The following RIMKLB variants were observed in gnomAD, a reference collection of about 807,000 sequenced individuals.
RIMKLB encodes the protein ribosomal modification protein rimK like family member B, also known as beta-citrylglutamate synthase B.
A neutral mutation model predicts 32.0 loss-of-function variants in RIMKLB; 7 were observed. That is an observed-to-expected ratio of 0.22 (90% confidence interval 0.12 to 0.41). The LOEUF (loss-of-function observed/expected upper bound fraction) is 0.41. RIMKLB is among the 10% of genes least tolerant of loss of function. RIMKLB has a pLI of 1.00. For missense variants in RIMKLB, 289 were observed against 498.7 expected (o/e 0.58, Z 4.00); for synonymous variants, 172 against 185.1 (o/e 0.93, Z 0.57).
upstream of RIMKLB, among the ~76,000 whole-genome samples, chr12:8,695,316 G>C (rs2136602125): frequency 6.6e-6 from 1 of 151,894 alleles, no homozygotes; most frequent in East Asian, 1.9e-4. Context: ...TTTTGAGCAG[G>C]TGTTGCTACC....
In RIMKLB at chr12:8,773,343, A is replaced by C. The variant is rs1171704962; in HGVS notation, c.720A>C (p.Ser240=). ...CSLGGVGMMC[S]LSEQGKQLAI... ...CAGGTGGTGTGGGGATGATGTGCTC[A>C]TTGAGTGAACAAGGGAAGCAGCTAG... is the stretch of plus-strand genomic sequence containing the variant. The change falls in exon 6 of 6, where the codon TCA becomes TCC. Residue 240 remains serine (S), a synonymous_variant. Coordinates refer to ENST00000535829, the MANE Select transcript of RIMKLB (RefSeq NM_001297776.2). 1 of 1,613,468 alleles carries C rather than the reference A, an allele frequency of 6.2e-7. No homozygotes were observed. Among genetic ancestry groups the C allele is most frequent in the Non-Finnish European group, 8.5e-7 (1 of 1,179,486 alleles).
chr12:8,761,957 C>T (rs549355147), intron 5 of RIMKLB, among the ~76,000 whole-genome samples: 37 of 152,156 alleles, frequency 2.4e-4, no homozygotes, highest in Non-Finnish European at 5.0e-4. Flanking sequence ...ATCTGGGGCC[C>T]CATTTGAAGA....
intron 1 of RIMKLB, among the ~76,000 whole-genome samples, chr12:8,707,337 G>A (rs752099142): frequency 2.6e-5 from 4 of 152,172 alleles, no homozygotes; most frequent in Non-Finnish European, 4.4e-5. Context: ...TAATTTGCTA[G>A]AGCAGTTTAC....
At chr12:8,770,970 G>T (rs1950352562) in intron 5 of RIMKLB, among the ~76,000 whole-genome samples, 1 of 152,164 alleles carries the variant, frequency 6.6e-6, no homozygotes, top group Non-Finnish European at 1.5e-5. Context: ...ATATTATAAA[G>T]GATATTTCAA....
intron 2 of RIMKLB, among the ~76,000 whole-genome samples, chr12:8,718,112 A>G (rs1212834082): frequency 6.6e-6 from 1 of 152,144 alleles, no homozygotes; most frequent in African/African-American, 2.4e-5. Flanking sequence ...CACTGTAGTC[A>G]AACTACTGTG....
intron 2 of RIMKLB, among the ~76,000 whole-genome samples, chr12:8,738,571 A>G (rs1031283864): frequency 2.0e-5 from 3 of 152,210 alleles, no homozygotes; most frequent in Non-Finnish European, 4.4e-5. Context: ...CTTCTTGACT[A>G]TTCATTATTT....
At chr12:8,763,762 A>C (rs1949723914) in intron 5 of RIMKLB, among the ~76,000 whole-genome samples, 1 of 152,174 alleles carries the variant, frequency 6.6e-6, no homozygotes, top group African/African-American at 2.4e-5. Context: ...GAAGGACAAG[A>C]GTGTCCTTCA....
At position 8,775,799 on chromosome 12, in the gene RIMKLB, G is replaced by GA; in HGVS notation, c.*2016dup. ...TGTCTCATTTCACCTCAGAGAAAAG[G>GA]ATACATAAGAGGAGTTTGTAATTTA... On this transcript the variant is annotated 3_prime_UTR_variant, in exon 6 of 6. Coordinates refer to ENST00000535829, the MANE Select transcript of RIMKLB (RefSeq NM_001297776.2). 1.0e-6 allele frequency: 1 copy of GA among 985,210 alleles called. No homozygotes were observed. The highest frequency in any genetic ancestry group is 1.2e-6 in the Non-Finnish European group (1 of 829,548). The allele number at this position is 985,210 out of a possible 1,614,324, so 61.0% of individuals were successfully genotyped here.
chr12:8,759,391 TCTCTAAA>T (rs1274311516), intron 5 of RIMKLB, among the ~76,000 whole-genome samples: 5 of 152,136 alleles, frequency 3.3e-5, no homozygotes, highest in Admixed American at 2.6e-4. Context: ...CAAGACTCCG[TCTCTAAA>T]TAATCAATCA....
Position 8,775,103 on chromosome 12 carries a change from T to C in RIMKLB, c.*1319T>C. ...GCCTTTTTGTGTATATGTACGTTGTTTGTTTTTTTCCTTTTGTTTCTAGCC... is the reference window on the plus strand; with the variant it reads ...GCCTTTTTGTGTATATGTACGTTGTCTGTTTTTTTCCTTTTGTTTCTAGCC... On this transcript the variant is annotated 3_prime_UTR_variant, in exon 6 of 6. Transcript: ENST00000535829. The C allele has an allele frequency of 1.0e-6, 1 of 985,758 alleles. No homozygotes were observed. The highest frequency in any genetic ancestry group is 4.7e-5 in the South Asian group (1 of 21,294). The allele number at this position is 985,758 out of a possible 1,614,324, so 61.1% of individuals were successfully genotyped here.
chr12:8,742,161 G>A (rs1012660072), intron 2 of RIMKLB, among the ~76,000 whole-genome samples: 5 of 151,786 alleles, frequency 3.3e-5, no homozygotes, highest in Non-Finnish European at 5.9e-5. Context: ...GCCTCCCAAA[G>A]TGTTGGGATT....
chr12:8,707,630 G>A (rs776869779), intron 1 of RIMKLB, among the ~76,000 whole-genome samples: 43 of 152,284 alleles, frequency 2.8e-4, no homozygotes, highest in African/African-American at 1.0e-3. Context: ...GGGATGAGAC[G>A]GAAGGTTCCA....
chr12:8,751,918 G>C (rs1186288501), intron 3 of RIMKLB, 39 bp from the exon 4 acceptor site: 1 of 1,249,466 alleles, frequency 8.0e-7, no homozygotes, highest in Non-Finnish European at 1.2e-6. Flanking sequence ...AAATACTTCT[G>C]CTGCTGTTTG....
intron 1 of RIMKLB, among the ~76,000 whole-genome samples, chr12:8,712,663 T>G (rs1944472180): frequency 6.6e-6 from 1 of 152,096 alleles, no homozygotes; most frequent in Admixed American, 6.6e-5. Flanking sequence ...TCAAGGTGCT[T>G]GGGAATGTGT....
intron 3 of RIMKLB, among the ~76,000 whole-genome samples, chr12:8,751,434 C>G (rs1460227343): frequency 1.3e-5 from 2 of 152,118 alleles, no homozygotes; most frequent in Non-Finnish European, 2.9e-5. Flanking sequence ...AGAAAGGAGA[C>G]TTAACCCAGG....
At chr12:8,707,482 G>A (rs1943998154) in intron 1 of RIMKLB, among the ~76,000 whole-genome samples, 5 of 152,216 alleles carry the variant, frequency 3.3e-5, no homozygotes, top group Admixed American at 2.6e-4. Flanking sequence ...TCTGCTACGT[G>A]TTCAGCTATC....
chr12:8,729,267 A>G (rs1292622017), intron 2 of RIMKLB, among the ~76,000 whole-genome samples: 2 of 151,784 alleles, frequency 1.3e-5, no homozygotes, highest in East Asian at 3.9e-4. Flanking sequence ...CAGGTCGCAT[A>G]AGTGAATTGA....
chr12:8,727,823 C>A (rs941165922), intron 2 of RIMKLB, among the ~76,000 whole-genome samples: 1 of 151,916 alleles, frequency 6.6e-6, no homozygotes, highest in Non-Finnish European at 1.5e-5. Flanking sequence ...ACTGCTTGAA[C>A]CCCAGGGGTG....
Position 8,774,480 on chromosome 12 carries a change from G to A in RIMKLB, c.*696G>A, listed in dbSNP as rs899695572. On this transcript the variant is annotated 3_prime_UTR_variant, in exon 6 of 6. Coordinates refer to ENST00000535829, the MANE Select transcript of RIMKLB (RefSeq NM_001297776.2). ...GTATACAAAATAACATTAATTCAAT[G>A]TAGATAAAATTACACTAGTTTAAAA... 4 of 983,368 alleles carry A rather than the reference G, an allele frequency of 4.1e-6. No homozygotes were observed. Among genetic ancestry groups the A allele is most frequent in the South Asian group, 4.7e-5 (1 of 21,232 alleles). The allele number at this position is 983,368 out of a possible 1,614,324, so 60.9% of individuals were successfully genotyped here.
Sources: gnomAD v4.1 joint callset for allele counts (sites outside exome capture counted in the v4.1 genomes callset) on GRCh38, gnomAD v4.1.1 for gene constraint, MANE v1.5 for transcripts, NCBI Gene and HGNC (gene_info 2026-07-23, HGNC 2026-07-21) for gene names.